SEC14L1: variants seen among roughly 807,000 people sequenced by gnomAD.
The protein encoded by SEC14L1 is SEC14 like lipid binding 1.
SEC14L1 carries 48 observed loss-of-function variants against 85.3 expected under a neutral mutation model. The observed-to-expected ratio is 0.56, with a 90% CI of 0.45 to 0.72. The LOEUF (loss-of-function observed/expected upper bound fraction) is 0.72. Ranked by LOEUF, SEC14L1 falls within the 30% of genes least tolerant of loss-of-function variation. The pLI is 0.00. For missense variants in SEC14L1, 682 were observed against 921.4 expected, an observed-to-expected ratio of 0.74 and a Z score of 3.36; for synonymous variants, 391 against 355.5, an observed-to-expected ratio of 1.10 and a Z score of -1.12.
At chr17:77,204,761 G>A (rs894163064) in intron 10 of SEC14L1, among the ~76,000 whole-genome samples, 6 of 151,920 alleles carry the variant, frequency 3.9e-5, no homozygotes, top group African/African-American at 1.5e-4. Flanking sequence ...TGCCCCCACC[G>A]CTATGTGTGT....
intron 3 of SEC14L1, among the ~76,000 whole-genome samples, chr17:77,120,306 C>A (rs538023606): frequency 7.5e-4 from 114 of 152,286 alleles, no homozygotes; most frequent in African/African-American, 2.6e-3. Context: ...TTTTGCCACT[C>A]ACGTAGGAGC....
At chr17:77,192,787 A>G (rs1296320564) in intron 5 of SEC14L1, among the ~76,000 whole-genome samples, 1 of 152,016 alleles carries the variant, frequency 6.6e-6, no homozygotes, top group African/African-American at 2.4e-5. Context: ...CAGCCTCCCA[A>G]GTAGCTGGGA....
rs147113975 is a variant in SEC14L1 at position 77,178,866 on chromosome 17, G to A, written c.64-11937G>A. On this transcript the variant is annotated intron_variant, in intron 3 of 16. Transcript: ENST00000436233. ...GCTGGGGACTCTCTGTGTGTTAAAC[G>A]AAGGTAGTCCAGGTGAAGTTCAGCA... is the stretch of plus-strand genomic sequence containing the variant. Among the ~76,000 whole-genome samples, 6 of 152,336 alleles carry A rather than the reference G, an allele frequency of 3.9e-5. No homozygotes were observed. In the East Asian group the frequency reaches 5.8e-4, roughly 15 times the overall value.
chr17:77,209,047 T>C (rs1158731375), intron 13 of SEC14L1, among the ~76,000 whole-genome samples: 1 of 150,260 alleles, frequency 6.7e-6, no homozygotes, highest in Non-Finnish European at 1.5e-5. Context: ...CCCTAATGCT[T>C]ATATGAGTCA....
chr17:77,165,172 G>T (rs1037952319), intron 3 of SEC14L1, among the ~76,000 whole-genome samples: 1 of 152,066 alleles, frequency 6.6e-6, no homozygotes, highest in Non-Finnish European at 1.5e-5. Flanking sequence ...TATAGTATAC[G>T]TAGCTAATCA....
chr17:77,187,441 C>T (rs1014576295), intron 3 of SEC14L1, among the ~76,000 whole-genome samples: 1 of 152,024 alleles, frequency 6.6e-6, no homozygotes, highest in East Asian at 1.9e-4. Context: ...GTGGTGGCAC[C>T]ATTTTGGCAC....
At chr17:77,124,064 A>T (rs917469504) in intron 3 of SEC14L1, among the ~76,000 whole-genome samples, 1 of 152,124 alleles carries the variant, frequency 6.6e-6, no homozygotes, top group Non-Finnish European at 1.5e-5. Flanking sequence ...GCCTGCACAC[A>T]AATAAAAACC....
chr17:77,137,739 C>CA (rs1194539370), upstream of SEC14L1, among the ~76,000 whole-genome samples: 2 of 152,216 alleles, frequency 1.3e-5, no homozygotes, highest in African/African-American at 4.8e-5. Flanking sequence ...TAAACCAATA[C>CA]GTGCTTTCAC....
intron 3 of SEC14L1, among the ~76,000 whole-genome samples, chr17:77,154,127 A>G (rs1397883935): frequency 6.6e-6 from 1 of 152,216 alleles, no homozygotes; most frequent in African/African-American, 2.4e-5. Context: ...AACTATTTAC[A>G]TAGCATTTAC....
At chr17:77,200,888 G>C (rs1976104638) in intron 9 of SEC14L1, among the ~76,000 whole-genome samples, 1 of 152,202 alleles carries the variant, frequency 6.6e-6, no homozygotes, top group Non-Finnish European at 1.5e-5. Flanking sequence ...GGAAGGGCCT[G>C]GGACTGCTCT....
intron 3 of SEC14L1, among the ~76,000 whole-genome samples, chr17:77,160,038 A>G (rs567446646): frequency 5.3e-4 from 80 of 152,332 alleles, no homozygotes; most frequent in African/African-American, 1.9e-3. Context: ...AAGTGCTTCA[A>G]GGTCTATGAA....
chr17:77,200,636 G>C lies in SEC14L1; in HGVS notation c.972G>C (p.Gln324His). ...LETWTPPQVL[Q>H]DYYAGGWHHH... is the part of the protein sequence containing the mutation. ...CCTGGACCCCTCCTCAGGTCCTTCA[G>C]GATTACTACGCGGGAGGCTGGCATC... Residue 324 changes from glutamine to histidine, a missense_variant, in exon 9 of 17, where the codon CAG (glutamine) becomes CAC (histidine). Gln to His is a conservative substitution (Grantham distance 24, BLOSUM62 0). Transcript: ENST00000436233. The C allele has an allele frequency of 6.2e-7, 1 of 1,613,964 alleles. No individual in the cohort carries two copies. The highest frequency in any genetic ancestry group is 8.5e-7 in the Non-Finnish European group (1 of 1,179,988).
At chr17:77,208,640 G>T (rs1567935614) in intron 13 of SEC14L1, among the ~76,000 whole-genome samples, 1 of 152,164 alleles carries the variant, frequency 6.6e-6, no homozygotes, top group Non-Finnish European at 1.5e-5. Context: ...GGGCAGTCTG[G>T]TATTTTTCCA....
chr17:77,206,421 C>A lies in SEC14L1; in HGVS notation c.1341+21C>A, dbSNP rs769542617. 7 of 1,607,056 alleles carry A rather than the reference C, an allele frequency of 4.4e-6. No individual in the cohort carries two copies. The East Asian group carries it at 1.3e-4, about 31-fold the overall frequency. On this transcript the variant is annotated intron_variant, in intron 12 of 16. Transcript: ENST00000436233. The surrounding 1 kb of genome is among the most constrained non-coding windows in gnomAD (Gnocchi z 4.3). ...CGCTGGTGGGTTGAGATGCTTTTTG[C>A]AGTAACTGTGAGCCATTTGGAAAGC... is the stretch of plus-strand genomic sequence containing the variant.
chr17:77,195,934 T>C (rs940455941), intron 7 of SEC14L1, among the ~76,000 whole-genome samples: 3 of 152,192 alleles, frequency 2.0e-5, no homozygotes, highest in Non-Finnish European at 2.9e-5. Flanking sequence ...TAGTCATGAA[T>C]AGTATTGTGA....
At chr17:77,203,188 A>G (rs1397687332) in intron 9 of SEC14L1, among the ~76,000 whole-genome samples, 1 of 152,208 alleles carries the variant, frequency 6.6e-6, no homozygotes, top group Admixed American at 6.5e-5. Flanking sequence ...GCCGTTGAAA[A>G]TCAGAGCTCT....
intron 3 of SEC14L1, among the ~76,000 whole-genome samples, chr17:77,145,988 T>C (rs1340889987): frequency 6.6e-6 from 1 of 152,254 alleles, no homozygotes; most frequent in Non-Finnish European, 1.5e-5. Context: ...TCTTGTTGCA[T>C]TCTTTCAGTT....
intron 3 of SEC14L1, among the ~76,000 whole-genome samples, chr17:77,108,638 C>T (rs1020910128): frequency 6.6e-6 from 1 of 151,706 alleles, no homozygotes; most frequent in Admixed American, 6.6e-5. Context: ...ACTCAGGAGG[C>T]TGAGGCAGGA....
intron 3 of SEC14L1, among the ~76,000 whole-genome samples, chr17:77,174,050 A>G (rs1260260526): frequency 6.6e-6 from 1 of 151,746 alleles, no homozygotes; most frequent in Non-Finnish European, 1.5e-5. Flanking sequence ...ACAGGCACAC[A>G]CCACCACACC....
Sources: allele counts gnomAD v4.1 joint callset (sites outside exome capture counted in the v4.1 genomes callset), GRCh38; gene constraint gnomAD v4.1.1; non-coding constraint Gnocchi (gnomAD v3.1); transcripts MANE v1.5; gene names NCBI Gene and HGNC (gene_info 2026-07-23, HGNC 2026-07-21).